Variants in COMMD10 observed in about 807,000 individuals in gnomAD.
COMMD10 encodes COMM domain containing 10.
In COMMD10, 33 loss-of-function variants were observed where a neutral mutation model predicts 28.9. The ratio of observed to expected loss-of-function variants is 1.14; its 90% CI spans 0.87 to 1.53. COMMD10 has a LOEUF of 1.53. COMMD10 is among the 40% of genes most tolerant of loss of function. The pLI, the probability that COMMD10 is intolerant of heterozygous loss-of-function variation, is 0.00. For missense variants in COMMD10, 310 were observed against 233.4 expected (o/e 1.33, Z -2.14); for synonymous variants, 110 against 81.7 (o/e 1.35, Z -1.87).
intron 5 of COMMD10, among the ~76,000 whole-genome samples, chr5:116,203,552 C>G (rs1416243685): frequency 6.6e-6 from 1 of 152,132 alleles, no homozygotes; most frequent in Admixed American, 6.5e-5. Context: ...TCGGCAGAAA[C>G]TCTACAAGCC....
At chr5:116,136,132 C>A (rs571975558) in intron 5 of COMMD10, among the ~76,000 whole-genome samples, 1 of 152,222 alleles carries the variant, frequency 6.6e-6, no homozygotes, top group East Asian at 1.9e-4. Context: ...AAATTTATTT[C>A]CTGATGAAGT....
intron 4 of COMMD10, among the ~76,000 whole-genome samples, chr5:116,116,365 G>T (rs374598500): frequency 6.6e-6 from 1 of 151,954 alleles, no homozygotes; most frequent in Non-Finnish European, 1.5e-5. Flanking sequence ...ATGGATGGTC[G>T]AATGGCTTTG....
intron 5 of COMMD10, among the ~76,000 whole-genome samples, chr5:116,180,950 C>G (rs193110988): frequency 6.6e-6 from 1 of 151,934 alleles, no homozygotes; most frequent in Non-Finnish European, 1.5e-5. Context: ...CTTAGTAGTT[C>G]GAGACCAGCC....
At chr5:116,206,536 C>G (rs1181030176) in intron 5 of COMMD10, among the ~76,000 whole-genome samples, 1 of 152,002 alleles carries the variant, frequency 6.6e-6, no homozygotes, top group Non-Finnish European at 1.5e-5. Flanking sequence ...CCTGTAATCC[C>G]AGCTACTTGG....
At chr5:116,134,203 G>A (rs765977359) in intron 5 of COMMD10, 25 bp downstream of exon 5, 1 of 1,346,450 alleles carries the variant, frequency 7.4e-7, no homozygotes, top group Non-Finnish European at 1.1e-6. Flanking sequence ...CCCATTAAAA[G>A]GATGTATTTT....
chr5:116,141,537 A>G (rs887444667), intron 5 of COMMD10, among the ~76,000 whole-genome samples: 3 of 151,876 alleles, frequency 2.0e-5, no homozygotes, highest in African/African-American at 4.8e-5. Flanking sequence ...CTTCCAATTC[A>G]TGAACGTGGG....
At chr5:116,107,992 A>G (rs1750899277) in intron 4 of COMMD10, among the ~76,000 whole-genome samples, 1 of 152,184 alleles carries the variant, frequency 6.6e-6, no homozygotes, top group Non-Finnish European at 1.5e-5. Context: ...CCTGGGTATC[A>G]CCAGTGCAGG....
At chr5:116,213,394 A>G (rs1161008034) in intron 5 of COMMD10, among the ~76,000 whole-genome samples, 1 of 152,156 alleles carries the variant, frequency 6.6e-6, no homozygotes, top group South Asian at 2.1e-4. Flanking sequence ...ATAAATTAGC[A>G]TAGACCCTGG....
At chr5:116,185,870 T>C (rs1054298217) in intron 5 of COMMD10, among the ~76,000 whole-genome samples, 1 of 152,146 alleles carries the variant, frequency 6.6e-6, no homozygotes, top group Non-Finnish European at 1.5e-5. Flanking sequence ...CACTTTACTC[T>C]CATTTCAGTG....
chr5:116,269,596 T>A (rs1750701158), intron 5 of COMMD10, among the ~76,000 whole-genome samples: 1 of 152,042 alleles, frequency 6.6e-6, no homozygotes, highest in South Asian at 2.1e-4. Context: ...TAAAATTATA[T>A]GTTTTAAATT....
intron 5 of COMMD10, among the ~76,000 whole-genome samples, chr5:116,274,434 C>G (rs1750847101): frequency 6.6e-6 from 1 of 151,630 alleles, no homozygotes; most frequent in South Asian, 2.1e-4. Flanking sequence ...TTCCAATAAA[C>G]CTTTATTTAC....
chr5:116,089,254 T>TA (rs1478967522), intron 2 of COMMD10, among the ~76,000 whole-genome samples: 1 of 152,234 alleles, frequency 6.6e-6, no homozygotes, highest in Non-Finnish European at 1.5e-5. Context: ...ATCTTCATTT[T>TA]ATCTATGAGG....
At chr5:116,136,429 C>T (rs763498149) in intron 5 of COMMD10, among the ~76,000 whole-genome samples, 4 of 152,124 alleles carry the variant, frequency 2.6e-5, no homozygotes, top group Admixed American at 6.6e-5. Flanking sequence ...GTTAAGTCTG[C>T]GTAGCTAAAA....
Position 116,292,812 on chromosome 5 carries a change from A to G in COMMD10, c.*323A>G, listed in dbSNP as rs1457690972. Reference sequence around the variant, plus strand: ...GTCCTGCTTAGTTTTTACTTGCTGGATGATACCATAATGTATCAAGGAGCG... The same window carrying G: ...GTCCTGCTTAGTTTTTACTTGCTGGGTGATACCATAATGTATCAAGGAGCG... On this transcript the variant is annotated 3_prime_UTR_variant, in exon 7 of 7. Coordinates refer to ENST00000274458, the MANE Select transcript of COMMD10 (RefSeq NM_016144.4). 7.5e-6 allele frequency: 3 copies of G among 398,580 alleles called. No homozygotes were observed. Among genetic ancestry groups the G allele is most frequent in the African/African-American group, 6.2e-5 (3 of 48,592 alleles). 24.7% of individuals were successfully genotyped at this position (398,580 alleles called of 1,614,324 possible). A position where few individuals can be genotyped will look rare whatever the true frequency, so the allele number is the denominator to read the frequency against.
At chr5:116,265,571 C>G (rs1750562203) in intron 5 of COMMD10, among the ~76,000 whole-genome samples, 1 of 151,588 alleles carries the variant, frequency 6.6e-6, no homozygotes, top group South Asian at 2.1e-4. Context: ...AGTTTGAAAA[C>G]TTAAAAAAAA....
chr5:116,240,163 G>T (rs1054692444), intron 5 of COMMD10, among the ~76,000 whole-genome samples: 2 of 151,890 alleles, frequency 1.3e-5, no homozygotes, highest in East Asian at 3.9e-4. Flanking sequence ...AGTGAATAAG[G>T]TACATAAATA....
intron 5 of COMMD10, among the ~76,000 whole-genome samples, chr5:116,235,974 C>T (rs746544598): frequency 6.6e-5 from 10 of 152,074 alleles, no homozygotes; most frequent in Non-Finnish European, 8.8e-5. Flanking sequence ...TTTGTGCCCA[C>T]CTGTTATCTT....
rs137875000 is a variant in COMMD10, at chr5:116,223,436, T to C, written c.511-68081T>C. ...TAACAAATATTTACTCAGCTCCAAA[T>C]TAGGTACTAGAAACTGTCTCAGACT... On this transcript the variant is annotated intron_variant, in intron 5 of 6. Coordinates refer to ENST00000274458, the MANE Select transcript of COMMD10 (RefSeq NM_016144.4). Among the ~76,000 whole-genome samples the C allele has an allele frequency of 4.2e-3, 644 of 152,274 alleles. 7 individuals are homozygous for C. Among genetic ancestry groups the C allele is most frequent in the African/African-American group, 0.014 (589 of 41,552 alleles).
At chr5:116,155,009 T>A (rs1174246334) in intron 5 of COMMD10, among the ~76,000 whole-genome samples, 2 of 152,132 alleles carry the variant, frequency 1.3e-5, no homozygotes, top group Non-Finnish European at 2.9e-5. Flanking sequence ...ACTGTTGCTG[T>A]TTCTTTAGTT....
Sources: gnomAD v4.1 joint callset for allele counts (sites outside exome capture counted in the v4.1 genomes callset) on GRCh38, gnomAD v4.1.1 for gene constraint, MANE v1.5 for transcripts, NCBI Gene and HGNC (gene_info 2026-07-23, HGNC 2026-07-21) for gene names.